The following GRIK3 variants were observed in gnomAD, a reference collection of about 807,000 sequenced individuals.
The protein encoded by GRIK3 is glutamate receptor ionotropic, kainate 3.
In GRIK3, 29 loss-of-function variants were observed where a neutral mutation model predicts 102.5. The observed-to-expected ratio is 0.28, with a 90% confidence interval of 0.21 to 0.39. The LOEUF is 0.39. GRIK3 is among the 10% of genes least tolerant of loss of function. The pLI, the probability that GRIK3 is intolerant of heterozygous loss-of-function variation, is 1.00. For synonymous variants in GRIK3, 511 were observed against 504.9 expected, an observed-to-expected ratio of 1.01 and a Z score of -0.16; for missense variants, 908 against 1,252.4, an observed-to-expected ratio of 0.73 and a Z score of 4.15.
In GRIK3 at chr1:36,859,170, G is replaced by A. The variant is rs1393039875; in HGVS notation, c.1042C>T (p.Leu348=). 7 of 1,613,838 alleles carry A rather than the reference G, an allele frequency of 4.3e-6. No individual in the cohort carries two copies. In the South Asian group the frequency reaches 7.7e-5, roughly 18 times the overall value. ...CAGGCCTTGTGCCGATGGCACTGCA[G>A]GGAGTTCACGGTCATCTGTGGTGCC... ...QRAPQMTVNS[L]QCHRHKAWRF... Residue 348 remains leucine (L), a synonymous_variant, in exon 7 of 16, where the codon CTG becomes TTG. Transcript: ENST00000373091.
chr1:36,924,592 C>A (rs911016017), intron 1 of GRIK3, among the ~76,000 whole-genome samples: 2 of 152,144 alleles, frequency 1.3e-5, no homozygotes, highest in African/African-American at 4.8e-5. Flanking sequence ...ACAGCCAGAG[C>A]CTCCTAATGC....
intron 1 of GRIK3, among the ~76,000 whole-genome samples, chr1:36,954,492 G>A (rs950877277): frequency 6.6e-6 from 1 of 152,254 alleles, no homozygotes; most frequent in African/African-American, 2.4e-5. Flanking sequence ...CAGAAAGCAT[G>A]TGGGGAGCCA....
chr1:36,961,092 T>C (rs1162376288), intron 1 of GRIK3, among the ~76,000 whole-genome samples: 2 of 152,214 alleles, frequency 1.3e-5, no homozygotes, highest in Non-Finnish European at 2.9e-5. Flanking sequence ...TGTCCCTGTT[T>C]CGCTGGTTTC....
At chr1:37,031,018 A>C (rs1642821937) in intron 1 of GRIK3, among the ~76,000 whole-genome samples, 1 of 152,138 alleles carries the variant, frequency 6.6e-6, no homozygotes, top group Non-Finnish European at 1.5e-5. Context: ...GGTAACCTGG[A>C]AATTCAGGTC....
chr1:36,901,346 G>A (rs1367336534), intron 1 of GRIK3, among the ~76,000 whole-genome samples: 1 of 151,958 alleles, frequency 6.6e-6, no homozygotes, highest in Non-Finnish European at 1.5e-5. Context: ...CAACCAAGTG[G>A]GATTTACCCC....
chr1:36,949,780 T>C lies in GRIK3; in HGVS notation c.116-58684A>G, dbSNP rs145755312. ...TTTATTAGAGACAGGGGGGTCACCA[T>C]GTTGGCCAGGATGGTTTCGAACTTC... On this transcript the variant is annotated intron_variant, in intron 1 of 15. Coordinates refer to ENST00000373091, the MANE Select transcript of GRIK3 (RefSeq NM_000831.4). Among the ~76,000 whole-genome samples, 986 of 152,150 alleles carry C rather than the reference T, an allele frequency of 6.5e-3. 9 individuals carry two copies. The highest frequency in any genetic ancestry group is 0.023 in the African/African-American group (949 of 41,520).
chr1:36,948,251 C>G (rs1641806073), intron 1 of GRIK3, among the ~76,000 whole-genome samples: 1 of 152,218 alleles, frequency 6.6e-6, no homozygotes, highest in African/African-American at 2.4e-5. Flanking sequence ...CTGAAGCACA[C>G]TCTAGGAAGG....
At chr1:36,941,558 G>C (rs530409684) in intron 1 of GRIK3, among the ~76,000 whole-genome samples, 10 of 152,220 alleles carry the variant, frequency 6.6e-5, no homozygotes, top group East Asian at 1.9e-4. Context: ...GGGGTGGAGG[G>C]GGGGAGTGCT....
At chr1:36,852,565 G>C (rs1405310031) in intron 8 of GRIK3, among the ~76,000 whole-genome samples, 1 of 152,194 alleles carries the variant, frequency 6.6e-6, no homozygotes, top group African/African-American at 2.4e-5. Context: ...GCTGTGCTTG[G>C]GGAAGCCTCA....
chr1:36,943,935 C>T (rs538258831), intron 1 of GRIK3, among the ~76,000 whole-genome samples: 4 of 152,314 alleles, frequency 2.6e-5, no homozygotes, highest in South Asian at 4.1e-4. Context: ...AGGTACCTGC[C>T]AGGTATCTCC....
intron 1 of GRIK3, among the ~76,000 whole-genome samples, chr1:36,963,325 G>C (rs752305247): frequency 2.6e-5 from 4 of 152,134 alleles, no homozygotes; most frequent in African/African-American, 9.7e-5. Context: ...CAAACCCCCC[G>C]CTCAGCCTCC....
intron 1 of GRIK3, among the ~76,000 whole-genome samples, chr1:37,013,363 T>C (rs1309961587): frequency 1.3e-5 from 2 of 152,202 alleles, no homozygotes; most frequent in Non-Finnish European, 2.9e-5. Flanking sequence ...CAGCAGTGGA[T>C]TGAGCCAGAC....
chr1:36,888,399 A>G (rs985047889), intron 2 of GRIK3, among the ~76,000 whole-genome samples: 2 of 152,200 alleles, frequency 1.3e-5, no homozygotes, highest in Non-Finnish European at 2.9e-5. Context: ...TGGGAGGGCC[A>G]TGGGGGCTTC....
intron 3 of GRIK3, among the ~76,000 whole-genome samples, chr1:36,873,794 C>T (rs1405589174): frequency 6.6e-6 from 1 of 152,184 alleles, no homozygotes. Flanking sequence ...GAGATAGGTA[C>T]AATACCATTG....
At chr1:36,870,864 G>A (rs906526614) in intron 4 of GRIK3, among the ~76,000 whole-genome samples, 6 of 146,346 alleles carry the variant, frequency 4.1e-5, no homozygotes, top group Admixed American at 1.4e-4. Context: ...GGCAACTGCC[G>A]AGTAAACCAA....
At chr1:37,029,899 G>A (rs1292028533) in intron 1 of GRIK3, among the ~76,000 whole-genome samples, 2 of 152,220 alleles carry the variant, frequency 1.3e-5, no homozygotes, top group East Asian at 3.9e-4. Flanking sequence ...CAGCCATCCT[G>A]CCGGCTACAG....
At position 36,806,159 on chromosome 1, in the gene GRIK3, G is replaced by A; in HGVS notation, c.2259C>T (p.Leu753=). The part of the protein sequence containing the change: ...IEYVTQRNCN[L]TQIGGLIDSK... ...AGTCAATGAGGCCCCCGATCTGGGT[G>A]AGGTTGCAGTTCCTCTGCGTGACGT... is the stretch of plus-strand genomic sequence containing the variant. Residue 753 remains leucine (L), a synonymous_variant, in exon 14 of 16, where the codon CTC becomes CTT. Transcript: ENST00000373091. This position sits in a 1 kb window ranked among gnomAD's most constrained non-coding sequence, Gnocchi z 4.0. 1.2e-6 allele frequency: 2 copies of A among 1,614,154 alleles called. No homozygotes were observed. The highest frequency in any genetic ancestry group is 2.2e-5 in the South Asian group (2 of 91,084).
At chr1:36,977,236 T>C (rs1418776585) in intron 1 of GRIK3, among the ~76,000 whole-genome samples, 1 of 152,198 alleles carries the variant, frequency 6.6e-6, no homozygotes, top group Non-Finnish European at 1.5e-5. Flanking sequence ...CCTTATAGGG[T>C]AACAAATGAA....
In GRIK3 at chr1:37,034,027, C is replaced by T; in HGVS notation, c.82G>A (p.Asp28Asn). ...GLLVCAFWIP[D>N]SRGMPHVIRI... Reference sequence around the variant, plus strand: ...ATGACGTGGGGCATCCCGCGCGAGTCCGGGATCCAGAAGGCGCACACGAGG... The same window carrying T: ...ATGACGTGGGGCATCCCGCGCGAGTTCGGGATCCAGAAGGCGCACACGAGG... Residue 28 changes from aspartate (D) to asparagine (N), a missense_variant, in exon 1 of 16, where the codon GAC (aspartate) becomes AAC (asparagine). Transcript: ENST00000373091. 1 of 1,605,036 alleles carries T rather than the reference C, an allele frequency of 6.2e-7. No individual in the cohort carries two copies. The highest frequency in any genetic ancestry group is 8.5e-7 in the Non-Finnish European group (1 of 1,176,250).
Sources: gnomAD v4.1 joint callset for allele counts (sites outside exome capture counted in the v4.1 genomes callset) on GRCh38, gnomAD v4.1.1 for gene constraint, Gnocchi (gnomAD v3.1) non-coding constraint, MANE v1.5 for transcripts, NCBI Gene and HGNC (gene_info 2026-07-23, HGNC 2026-07-21) for gene names.